Variants in GFPT2 observed in about 807,000 individuals in gnomAD.
GFPT2 encodes the protein glutamine--fructose-6-phosphate transaminase 2.
A neutral mutation model predicts 85.6 loss-of-function variants in GFPT2; 62 were observed. That is an observed-to-expected ratio of 0.72 (90% CI 0.59 to 0.90). The LOEUF (loss-of-function observed/expected upper bound fraction) is 0.90. GFPT2 is among the 40% of genes least tolerant of loss of function. The pLI, the probability that GFPT2 is intolerant of heterozygous loss-of-function variation, is 0.00. For missense variants in GFPT2, 788 were observed against 893.4 expected (o/e 0.88, Z 1.50); for synonymous variants, 368 against 344.5 (o/e 1.07, Z -0.75).
chr5:180,336,140 T>C (rs1314822976), intron 3 of GFPT2, 187 bp from the exon 4 acceptor site: 3 of 584,608 alleles, frequency 5.1e-6, no homozygotes, highest in Non-Finnish European at 9.0e-6. Context: ...ACTACTTGTC[T>C]GTAGCTTAGC....
At chr5:180,338,458 G>A in intron 2 of GFPT2, 35 bp downstream of exon 2, 7 of 1,201,210 alleles carry the variant, frequency 5.8e-6, no homozygotes, top group Non-Finnish European at 8.7e-6. Flanking sequence ...GCGGAGCCCG[G>A]TCCCCAGCCA....
Position 180,328,326 on chromosome 5 carries a change from C to G in GFPT2, c.547G>C (p.Ala183Pro), listed in dbSNP as rs769522500. The G allele has an allele frequency of 2.5e-6, 4 of 1,613,020 alleles. No individual in the cohort carries two copies. The highest frequency in any genetic ancestry group is 1.3e-5 in the African/African-American group (1 of 74,864). Reference protein sequence around the residue: ...RVIQQLEGAFALVFKSVHYPG... With the variant: ...RVIQQLEGAFPLVFKSVHYPG... The stretch of plus-strand genomic sequence containing the variant: ...TAGTGGACACTCTTGAAAACCAGCG[C>G]GAATGCACCTTCCTGAAAACACACA... Residue 183 changes from alanine to proline, a missense_variant, in exon 7 of 19, where the codon GCG becomes CCG. Ala to Pro is a conservative substitution (Grantham distance 27). Coordinates refer to ENST00000253778, the MANE Select transcript of GFPT2 (RefSeq NM_005110.4). The surrounding 1 kb of genome is among the most constrained non-coding windows in gnomAD (Gnocchi z 5.4).
chr5:180,349,467 T>C (rs947655826), intron 1 of GFPT2, among the ~76,000 whole-genome samples: 3 of 152,210 alleles, frequency 2.0e-5, no homozygotes, highest in African/African-American at 7.2e-5. Flanking sequence ...TGTTTACTGA[T>C]GCTATACCAT....
At chr5:180,313,546 C>T (rs1015154256) in intron 14 of GFPT2, among the ~76,000 whole-genome samples, 116 of 151,416 alleles carry the variant, frequency 7.7e-4, no homozygotes, top group African/African-American at 2.8e-3. Context: ...GCCGAGATCG[C>T]GCCCCTGCAC....
At chr5:180,316,256 A>C in intron 13 of GFPT2, 85 bp downstream of exon 13, 1 of 1,370,256 alleles carries the variant, frequency 7.3e-7, no homozygotes, top group Non-Finnish European at 1.0e-6. Context: ...GTAGCCATGC[A>C]GAGGACTTAA....
chr5:180,348,732 CTTTTT>C (rs11322913), intron 1 of GFPT2, among the ~76,000 whole-genome samples: 1 of 139,806 alleles, frequency 7.2e-6, no homozygotes, highest in African/African-American at 2.6e-5. Context: ...CATTTCTTTT[CTTTTT>C]TTTTTTTTTT....
Position 180,309,224 on chromosome 5 carries a change from G to A in GFPT2, c.1547-1921C>T, listed in dbSNP as rs556790302. ...TGGTCAAGCTCATGGTAACAGAGGT[G>A]TTTTCTAACACTCAAAAGTTTTGCC... On this transcript the variant is annotated intron_variant, in intron 15 of 18. Transcript: ENST00000253778. Among the ~76,000 whole-genome samples the A allele has an allele frequency of 2.0e-5, 3 of 152,202 alleles. No homozygotes were observed. The South Asian group carries it at 6.2e-4, about 32-fold the overall frequency.
At position 180,328,318 on chromosome 5, in the gene GFPT2, A is replaced by C. The variant is rs781031203; in HGVS notation, c.555T>G (p.Val185=). ...CTCCTGGGTAGTGGACACTCTTGAA[A>C]ACCAGCGCGAATGCACCTTCCTGAA... The part of the protein sequence containing the change: ...IQQLEGAFAL[V]FKSVHYPGEA... The change falls in exon 7 of 19, where the codon GTT becomes GTG. Residue 185 remains valine, a synonymous_variant. Transcript: ENST00000253778. The surrounding 1 kb of genome is among the most constrained non-coding windows in gnomAD (Gnocchi z 5.4). 4.3e-6 allele frequency: 7 copies of C among 1,613,358 alleles called. No homozygotes were observed. The African/African-American group carries it at 9.3e-5, about 22-fold the overall frequency.
Position 180,318,403 on chromosome 5 carries a change from G to A in GFPT2, c.958+390C>T, listed in dbSNP as rs1269918462. 2.6e-5 allele frequency among the ~76,000 whole-genome samples: 4 copies of A among 152,150 alleles called. No individual in the cohort carries two copies. Among genetic ancestry groups the A allele is most frequent in the African/African-American group, 4.8e-5 (2 of 41,414 alleles). On this transcript the variant is annotated intron_variant, in intron 10 of 18. Transcript: ENST00000253778. The surrounding 1 kb of genome is among the most constrained non-coding windows in gnomAD (Gnocchi z 4.2). ...TTGTAAGGGGACAGAAATGGGTGCA[G>A]ACAGAGAGGCTCTCCTTGTAGGGAG...
intron 17 of GFPT2, among the ~76,000 whole-genome samples, chr5:180,304,282 T>A (rs1359949095): frequency 6.6e-6 from 1 of 152,162 alleles, no homozygotes; most frequent in African/African-American, 2.4e-5. Context: ...TTCTAGAAAA[T>A]TACTGAACTT....
chr5:180,348,317 G>A (rs1186626536), intron 1 of GFPT2, among the ~76,000 whole-genome samples: 1 of 152,244 alleles, frequency 6.6e-6, no homozygotes. Flanking sequence ...GGGGAAGAGG[G>A]ACAGGTCCAC....
At chr5:180,325,376 T>C (rs1409736811) in intron 7 of GFPT2, among the ~76,000 whole-genome samples, 6 of 152,194 alleles carry the variant, frequency 3.9e-5, no homozygotes. Context: ...TCTCTAGCAT[T>C]AGTGGGCACT....
At chr5:180,331,632 G>C in intron 4 of GFPT2, 79 bp from the exon 5 acceptor site, 2 of 863,992 alleles carry the variant, frequency 2.3e-6, no homozygotes, top group Non-Finnish European at 3.9e-6. Context: ...TTCAAGGCTT[G>C]AGAACTCTCT....
intron 13 of GFPT2, among the ~76,000 whole-genome samples, 198 bp downstream of exon 13, chr5:180,316,143 C>G (rs1490561211): frequency 1.3e-5 from 2 of 151,896 alleles, no homozygotes; most frequent in African/African-American, 4.8e-5. Flanking sequence ...CACCCCCTGA[C>G]TGCATGGCCT....
intron 3 of GFPT2, 32 bp downstream of exon 3, chr5:180,336,447 C>T (rs759644778): frequency 1.3e-5 from 16 of 1,189,240 alleles, no homozygotes; most frequent in African/African-American, 4.5e-5. Context: ...GGCGCTGCAG[C>T]GGCTCCTCCC....
Position 180,324,319 on chromosome 5 carries a change from G to A in GFPT2, c.677-14C>T, listed in dbSNP as rs1764172694. ...TCTCCAGAGTGCCTAGCAAATGGAG[G>A]AATGGGTTGCAAATCCCACTGGGAT... is the stretch of plus-strand genomic sequence containing the variant. On this transcript the variant is annotated splice_polypyrimidine_tract_variant and intron_variant, in intron 8 of 18. Transcript: ENST00000253778. The A allele has an allele frequency of 1.4e-6, 2 of 1,391,960 alleles. No homozygotes were observed. The highest frequency in any genetic ancestry group is 2.3e-5 in the East Asian group (1 of 43,440). The allele number at this position is 1,391,960 out of a possible 1,614,324, so 86.2% of individuals were successfully genotyped here. A position where few individuals can be genotyped will look rare whatever the true frequency, so the allele number is the denominator to read the frequency against.
At chr5:180,316,492 AG>A (rs749974100) in intron 12 of GFPT2, 31 bp from the exon 13 acceptor site, 1 of 1,613,574 alleles carries the variant, frequency 6.2e-7, no homozygotes, top group South Asian at 1.1e-5. Context: ...TGGAGACTAA[AG>A]TCAGTCACAG....
intron 7 of GFPT2, among the ~76,000 whole-genome samples, chr5:180,327,878 C>T (rs1764237809): frequency 1.3e-5 from 2 of 152,144 alleles, no homozygotes; most frequent in African/African-American, 2.4e-5. Context: ...GGATCCAAAT[C>T]AATATTCACT....
At position 180,324,823 on chromosome 5, in the gene GFPT2, G is replaced by A; in HGVS notation, c.669C>T (p.Tyr223=). 1 of 1,596,784 alleles carries A rather than the reference G, an allele frequency of 6.3e-7. No individual in the cohort carries two copies. The highest frequency in any genetic ancestry group is 8.6e-7 in the Non-Finnish European group (1 of 1,164,218). ...ACTTCTTGAGAAACTTACACGTCCT[G>A]TATAAGATAGGGATCTGTTCTGTGG... The part of the protein sequence containing the change: ...KLSTEQIPIL[Y]RTCTLENVKN... Residue 223 remains tyrosine, a synonymous_variant, in exon 8 of 19, where the codon TAC becomes TAT. Transcript: ENST00000253778.
Sources: gnomAD v4.1 joint callset for allele counts (sites outside exome capture counted in the v4.1 genomes callset) on GRCh38, gnomAD v4.1.1 for gene constraint, Gnocchi (gnomAD v3.1) non-coding constraint, MANE v1.5 for transcripts, NCBI Gene and HGNC (gene_info 2026-07-23, HGNC 2026-07-21) for gene names.